Variants in SSUH2 observed in about 807,000 individuals in gnomAD.
SSUH2 encodes ssu-2 homolog, also known as protein SSUH2 homolog.
In SSUH2, 47 loss-of-function variants were observed where a neutral mutation model predicts 55.3. The observed-to-expected ratio is 0.85, with a 90% CI of 0.67 to 1.08. SSUH2 has a LOEUF of 1.08. SSUH2 is among the 50% of genes least tolerant of loss of function. The pLI is 0.00. For missense variants in SSUH2, 535 were observed against 490.7 expected, an observed-to-expected ratio of 1.09 and a Z score of -0.85; for synonymous variants, 212 against 191.5, an observed-to-expected ratio of 1.11 and a Z score of -0.89.
In SSUH2 at chr3:8,626,715, T is replaced by G. The variant is rs912041658; in HGVS notation, c.675-394A>C. 4.6e-5 allele frequency among the ~76,000 whole-genome samples: 7 copies of G among 152,258 alleles called. No individual in the cohort carries two copies. The East Asian group carries it at 1.4e-3, about 29-fold the overall frequency. On this transcript the variant is annotated intron_variant, in intron 8 of 11. Transcript: ENST00000544814. ...CGGGACTATCGGGAAAGGGACATCT[T>G]TTCTCCTGGGATTAGTAAGCTTGGA...
chr3:8,649,762 C>CT (rs1029218173), upstream of SSUH2, among the ~76,000 whole-genome samples: 3 of 152,120 alleles, frequency 2.0e-5, no homozygotes. Context: ...CATGGGCCTC[C>CT]TATCTGTTGC....
chr3:8,675,502 T>C (rs1437139617), intron 3 of SSUH2, among the ~76,000 whole-genome samples: 1 of 152,170 alleles, frequency 6.6e-6, no homozygotes, highest in Non-Finnish European at 1.5e-5. Flanking sequence ...GGACTGTGGG[T>C]ATAAGGCGTC....
chr3:8,623,341 G>A (rs1347924821), intron 11 of SSUH2: 6 of 515,370 alleles, frequency 1.2e-5, no homozygotes, highest in East Asian at 6.4e-5. Context: ...CTTCTCCTGC[G>A]ACCCACGGTC....
chr3:8,678,964 ATCGCAGGGCGGAGAG>A (rs1705697937), intron 2 of SSUH2, among the ~76,000 whole-genome samples: 2 of 105,732 alleles, frequency 1.9e-5, no homozygotes, highest in East Asian at 2.5e-4. Context: ...TGGGACGCCC[ATCGCAGGGCGGAGAG>A]TCACCCCCCG....
chr3:8,634,937 T>C (rs1032662969), intron 3 of SSUH2, among the ~76,000 whole-genome samples: 1 of 152,234 alleles, frequency 6.6e-6, no homozygotes, highest in East Asian at 1.9e-4. Flanking sequence ...ACATAGTCTC[T>C]GTCTCAATTA....
At chr3:8,653,437 T>G (rs1702630566) in intron 7 of SSUH2, among the ~76,000 whole-genome samples, 1 of 152,236 alleles carries the variant, frequency 6.6e-6, no homozygotes, top group Non-Finnish European at 1.5e-5. Context: ...TTAGAATTTT[T>G]AAAAAGCGTA....
intron 7 of SSUH2, among the ~76,000 whole-genome samples, chr3:8,649,970 T>C (rs1702205648): frequency 1.3e-5 from 2 of 152,250 alleles, no homozygotes; most frequent in Middle Eastern, 3.4e-3. Flanking sequence ...CTGCTTCCCT[T>C]CAACCCTTTC....
At chr3:8,651,575 C>T (rs1176764938) in intron 7 of SSUH2, among the ~76,000 whole-genome samples, 1 of 152,090 alleles carries the variant, frequency 6.6e-6, no homozygotes, top group African/African-American at 2.4e-5. Context: ...AATGAGGAAT[C>T]GTGTATTTTT....
intron 4 of SSUH2, 140 bp downstream of exon 4, chr3:8,633,526 T>G: frequency 1.7e-6 from 1 of 580,632 alleles, no homozygotes; most frequent in East Asian, 3.2e-5. Context: ...GGATTCAACA[T>G]CACCACCGCT....
chr3:8,680,006 C>G (rs560049598), intron 1 of SSUH2, among the ~76,000 whole-genome samples: 1 of 152,194 alleles, frequency 6.6e-6, no homozygotes, highest in South Asian at 2.1e-4. Flanking sequence ...AACAGCAAGT[C>G]TTTCATGAGT....
chr3:8,643,008 G>T (rs1701117798), intron 1 of SSUH2, among the ~76,000 whole-genome samples: 1 of 152,122 alleles, frequency 6.6e-6, no homozygotes, highest in Non-Finnish European at 1.5e-5. Context: ...ACTTGTAATG[G>T]GCCCAAAGAC....
chr3:8,660,365 T>C (rs1703355752), intron 6 of SSUH2, among the ~76,000 whole-genome samples: 1 of 152,300 alleles, frequency 6.6e-6, no homozygotes. Context: ...TCTCATCCAC[T>C]TGAGGCAGAA....
intron 7 of SSUH2, among the ~76,000 whole-genome samples, chr3:8,651,204 G>T (rs1702360918): frequency 6.6e-6 from 1 of 152,220 alleles, no homozygotes. Flanking sequence ...CCAGGCCACA[G>T]GACAACACTA....
intron 1 of SSUH2, among the ~76,000 whole-genome samples, chr3:8,681,321 G>A (rs1486671329): frequency 1.3e-5 from 2 of 150,494 alleles, no homozygotes. Flanking sequence ...CCATCGCGGG[G>A]GTGGAGGCAC....
At chr3:8,654,445 T>C (rs996140470) in intron 7 of SSUH2, among the ~76,000 whole-genome samples, 3 of 152,256 alleles carry the variant, frequency 2.0e-5, no homozygotes, top group African/African-American at 7.2e-5. Flanking sequence ...TGTAGGAATG[T>C]ATCATGATGT....
At chr3:8,635,265 A>T in intron 3 of SSUH2, 35 bp downstream of exon 3, 1 of 1,498,312 alleles carries the variant, frequency 6.7e-7, no homozygotes. Flanking sequence ...GACATAGGAA[A>T]TGCACACAGT....
intron 7 of SSUH2, among the ~76,000 whole-genome samples, chr3:8,657,920 G>T (rs1217920905): frequency 6.6e-6 from 1 of 152,222 alleles, no homozygotes; most frequent in Non-Finnish European, 1.5e-5. Context: ...CAGCCTCCAC[G>T]CCTGCATAGC....
chr3:8,667,988 G>T (rs1188278626), intron 5 of SSUH2, among the ~76,000 whole-genome samples: 1 of 152,078 alleles, frequency 6.6e-6, no homozygotes, highest in East Asian at 1.9e-4. Context: ...TCTCACTCCA[G>T]CCTGGGCAAC....
At chr3:8,668,034 T>C (rs1405122616) in intron 5 of SSUH2, among the ~76,000 whole-genome samples, 3 of 152,092 alleles carry the variant, frequency 2.0e-5, no homozygotes, top group Admixed American at 2.0e-4. Context: ...AAATTAATTT[T>C]CAATTTTTAA....
Sources: gnomAD v4.1 joint callset for allele counts (sites outside exome capture counted in the v4.1 genomes callset) on GRCh38, gnomAD v4.1.1 for gene constraint, MANE v1.5 for transcripts, NCBI Gene and HGNC (gene_info 2026-07-23, HGNC 2026-07-21) for gene names.